The following NDST3 variants were observed in gnomAD, a reference collection of about 807,000 sequenced individuals.
NDST3 encodes the protein N-deacetylase and N-sulfotransferase 3.
A neutral mutation model predicts 96.1 loss-of-function variants in NDST3; 58 were observed. That is an observed-to-expected ratio of 0.60 (90% confidence interval 0.49 to 0.75). The LOEUF (loss-of-function observed/expected upper bound fraction) is 0.75, where lower values mean the gene tolerates loss of function less well. NDST3 is among the 30% of genes least tolerant of loss of function. NDST3 has a pLI of 0.00. For synonymous variants in NDST3, 333 were observed against 359.7 expected (o/e 0.93, Z 0.84); for missense variants, 788 against 1,034.2 (o/e 0.76, Z 3.27).
intron 6 of NDST3, among the ~76,000 whole-genome samples, chr4:118,149,578 A>G (rs1225616634): frequency 1.3e-5 from 2 of 149,530 alleles, no homozygotes; most frequent in African/African-American, 4.8e-5. Flanking sequence ...GTGTATAAGA[A>G]TGCTTGTGAT....
At chr4:118,177,446 G>A (rs183746242) in intron 6 of NDST3, among the ~76,000 whole-genome samples, 2 of 152,060 alleles carry the variant, frequency 1.3e-5, no homozygotes, top group Middle Eastern at 3.4e-3. Flanking sequence ...TGGGTTCACT[G>A]CTTTTATCAG....
At chr4:118,199,121 T>C (rs1322083805) in intron 6 of NDST3, among the ~76,000 whole-genome samples, 1 of 152,210 alleles carries the variant, frequency 6.6e-6, no homozygotes, top group African/African-American at 2.4e-5. Context: ...TCTCTGTTAT[T>C]ATCCCTTTGA....
chr4:118,193,970 G>T, intron 6 of NDST3: 1 of 985,330 alleles, frequency 1.0e-6, no homozygotes, highest in Non-Finnish European at 1.6e-6. Context: ...TTTCACTGTG[G>T]TGCTCTGCTC....
At chr4:118,115,879 G>A (rs1731041766) in intron 4 of NDST3, among the ~76,000 whole-genome samples, 1 of 151,968 alleles carries the variant, frequency 6.6e-6, no homozygotes, top group Admixed American at 6.5e-5. Flanking sequence ...GTGGCATCAG[G>A]GGCCCATATT....
intron 2 of NDST3, among the ~76,000 whole-genome samples, chr4:118,097,291 T>C (rs978917271): frequency 3.9e-5 from 6 of 151,952 alleles, no homozygotes; most frequent in Non-Finnish European, 8.8e-5. Context: ...GTATTTCTTA[T>C]TGGAGAATCC....
intron 2 of NDST3, among the ~76,000 whole-genome samples, chr4:118,073,545 A>G (rs1333203610): frequency 6.6e-6 from 1 of 151,872 alleles, no homozygotes; most frequent in Non-Finnish European, 1.5e-5. Flanking sequence ...GGTTTTTTGT[A>G]TTTCTGTGGA....
intron 6 of NDST3, among the ~76,000 whole-genome samples, chr4:118,192,523 T>C (rs1200961839): frequency 1.3e-5 from 2 of 152,168 alleles, no homozygotes; most frequent in African/African-American, 2.4e-5. Context: ...TTTCCAGCAC[T>C]ATTTATTGAA....
intron 4 of NDST3, among the ~76,000 whole-genome samples, chr4:118,126,537 C>CATATATATATATACACATATATATATAT (rs1266387343): frequency 4.9e-5 from 1 of 20,334 alleles, no homozygotes; most frequent in African/African-American, 7.5e-5. Context: ...TATATATACA[C>CATATATATATATACACATATATATATAT]ATATATATAT....
At chr4:118,073,665 A>G (rs911950998) in intron 2 of NDST3, among the ~76,000 whole-genome samples, 1 of 151,984 alleles carries the variant, frequency 6.6e-6, no homozygotes, top group African/African-American at 2.4e-5. Flanking sequence ...TTTTCAAAAA[A>G]CTAACTTCTG....
intron 2 of NDST3, among the ~76,000 whole-genome samples, chr4:118,067,259 T>C (rs1205864686): frequency 1.3e-5 from 2 of 152,050 alleles, no homozygotes; most frequent in African/African-American, 4.8e-5. Flanking sequence ...AAACCCATTT[T>C]AACTCTAGTG....
intron 4 of NDST3, among the ~76,000 whole-genome samples, chr4:118,117,338 A>G (rs1322177695): frequency 6.6e-6 from 1 of 152,106 alleles, no homozygotes; most frequent in East Asian, 1.9e-4. Context: ...ATCTAGTATC[A>G]CAAAATTGCC....
intron 12 of NDST3, among the ~76,000 whole-genome samples, chr4:118,246,615 GAGAA>G (rs1314114522): frequency 6.6e-6 from 1 of 152,030 alleles, no homozygotes; most frequent in Non-Finnish European, 1.5e-5. Context: ...AAAAAAAAGA[GAGAA>G]AGAAAGAAAA....
intron 9 of NDST3, among the ~76,000 whole-genome samples, chr4:118,236,473 G>C (rs1179777045): frequency 6.6e-6 from 1 of 152,150 alleles, no homozygotes; most frequent in African/African-American, 2.4e-5. Context: ...TTATTCTAAA[G>C]AGGAACATAA....
intron 4 of NDST3, among the ~76,000 whole-genome samples, chr4:118,117,730 C>T (rs557262509): frequency 1.3e-5 from 2 of 152,164 alleles, no homozygotes; most frequent in African/African-American, 4.8e-5. Context: ...ATAATTAAGA[C>T]CAGAAATCTT....
chr4:118,109,091 A>C lies in NDST3; in HGVS notation c.1069+3986A>C, dbSNP rs528438214. 3.5e-4 allele frequency among the ~76,000 whole-genome samples: 53 copies of C among 152,342 alleles called. 2 individuals are homozygous for C. The highest frequency in any genetic ancestry group is 3.5e-3 in the Admixed American group (53 of 15,302). ...GAGGTTTAGTTCATCTTTCTAGTGA[A>C]GTTAGACTCATAGCATAACTAACTT... is the stretch of plus-strand genomic sequence containing the variant. On this transcript the variant is annotated intron_variant, in intron 3 of 13. Coordinates refer to ENST00000296499, the MANE Select transcript of NDST3 (RefSeq NM_004784.3).
At chr4:118,107,882 G>T (rs897187537) in intron 3 of NDST3, among the ~76,000 whole-genome samples, 3 of 152,180 alleles carry the variant, frequency 2.0e-5, no homozygotes, top group African/African-American at 7.2e-5. Flanking sequence ...GGGTAACTAT[G>T]AATGTATTAG....
At chr4:118,214,533 G>T (rs1739070104) in intron 6 of NDST3, among the ~76,000 whole-genome samples, 1 of 151,870 alleles carries the variant, frequency 6.6e-6, no homozygotes, top group African/African-American at 2.4e-5. Context: ...TCATAATGTG[G>T]CTACTAAACA....
At position 118,051,647 on chromosome 4, in the gene NDST3, G is replaced by T. The variant is rs141843891; in HGVS notation, c.-155-2109G>T. Among the ~76,000 whole-genome samples, 332 of 152,022 alleles carry T rather than the reference G, an allele frequency of 2.2e-3. 2 individuals carry two copies. Among genetic ancestry groups the T allele is most frequent in the Middle Eastern group, 0.01 (3 of 294 alleles). ...CAATCAGGCAAGAGAAAGAAATAAG[G>T]CATCTAAATAGAAAAAGAAGTCAAA... On this transcript the variant is annotated intron_variant, in intron 1 of 13. Coordinates refer to ENST00000296499, the MANE Select transcript of NDST3 (RefSeq NM_004784.3).
At chr4:118,115,194 A>C (rs1237581098) in intron 4 of NDST3, among the ~76,000 whole-genome samples, 2 of 152,192 alleles carry the variant, frequency 1.3e-5, no homozygotes, top group African/African-American at 2.4e-5. Flanking sequence ...TACAAGATTT[A>C]TTATGACATT....
Sources: allele counts gnomAD v4.1 joint callset (sites outside exome capture counted in the v4.1 genomes callset), GRCh38; gene constraint gnomAD v4.1.1; transcripts MANE v1.5; gene names NCBI Gene and HGNC (gene_info 2026-07-23, HGNC 2026-07-21).